ABITRAM: variants seen among roughly 807,000 people sequenced by gnomAD.
ABITRAM encodes protein Abitram.
In ABITRAM, 19 loss-of-function variants were observed where a neutral mutation model predicts 22.9. The ratio of observed to expected loss-of-function variants is 0.83; its 90% CI spans 0.58 to 1.22. ABITRAM has a LOEUF of 1.22. ABITRAM is among the 50% of genes most tolerant of loss of function. The pLI is 0.00. For synonymous variants in ABITRAM, 70 were observed against 73.9 expected (o/e 0.95, Z 0.27); for missense variants, 215 against 220.2 (o/e 0.98, Z 0.15).
chr9:108,939,055 A>T, intron 3 of ABITRAM, 141 bp from the exon 4 acceptor site: 1 of 673,202 alleles, frequency 1.5e-6, no homozygotes, highest in Non-Finnish European at 2.5e-6. Flanking sequence ...TTCTGAAATT[A>T]ATGAATGGTT....
intron 3 of ABITRAM, among the ~76,000 whole-genome samples, chr9:108,949,476 G>C (rs1830496238): frequency 6.6e-6 from 1 of 152,218 alleles, no homozygotes; most frequent in African/African-American, 2.4e-5. Context: ...GGGAGGCCAA[G>C]GTGGGCAGAT....
chr9:108,934,651 G>C, intron 1 of ABITRAM, 86 bp downstream of exon 1: 2 of 1,209,478 alleles, frequency 1.7e-6, no homozygotes, highest in Non-Finnish European at 2.3e-6. Context: ...AGCCACGCGC[G>C]CTCTCCCTGG....
intron 1 of ABITRAM, among the ~76,000 whole-genome samples, chr9:108,934,825 T>G (rs972083244): frequency 6.6e-6 from 1 of 152,030 alleles, no homozygotes; most frequent in Non-Finnish European, 1.5e-5. Context: ...ATGAGTACTC[T>G]AAACGGAGGC....
chr9:108,936,841 A>G, intron 3 of ABITRAM, among the ~76,000 whole-genome samples: 1 of 152,166 alleles, frequency 6.6e-6, no homozygotes, highest in East Asian at 1.9e-4. Flanking sequence ...AACAGAAAAA[A>G]AATTCCCAAG....
At chr9:108,936,706 G>A (rs1172778326) in intron 3 of ABITRAM, among the ~76,000 whole-genome samples, 1 of 152,150 alleles carries the variant, frequency 6.6e-6, no homozygotes, top group Non-Finnish European at 1.5e-5. Flanking sequence ...GCCTTTGAAA[G>A]GAGAACTCTA....
intron 3 of ABITRAM, among the ~76,000 whole-genome samples, chr9:108,946,924 A>T (rs971270322): frequency 2.0e-5 from 3 of 152,182 alleles, no homozygotes; most frequent in Non-Finnish European, 1.5e-5. Flanking sequence ...ACTGAAAAAA[A>T]AAATAAATTC....
chr9:108,939,861 C>T lies in ABITRAM; in HGVS notation c.*175C>T. The T allele has an allele frequency of 2.9e-6, 2 of 700,318 alleles. No individual in the cohort carries two copies. The highest frequency in any genetic ancestry group is 4.5e-6 in the Non-Finnish European group (2 of 439,646). The allele number at this position is 700,318 out of a possible 1,614,324, so 43.4% of individuals were successfully genotyped here. The stretch of plus-strand genomic sequence containing the variant: ...TCTGTCTTCATAATGAGCCTTGGTT[C>T]CCATTTGTCTACAGCCTGCCAGATC... On this transcript the variant is annotated 3_prime_UTR_variant, in exon 6 of 6. Coordinates refer to ENST00000322940, the MANE Select transcript of ABITRAM (RefSeq NM_017832.4).
exon 4 of ABITRAM, chr9:108,950,679 G>T: frequency 6.8e-7 from 1 of 1,475,492 alleles, no homozygotes; most frequent in Non-Finnish European, 9.0e-7. Flanking sequence ...CATAAAAGGA[G>T]GTGGATGCTC....
chr9:108,941,404 T>G (rs1830253618), downstream of ABITRAM, among the ~76,000 whole-genome samples: 1 of 152,196 alleles, frequency 6.6e-6, no homozygotes, highest in African/African-American at 2.4e-5. Flanking sequence ...TGTATAACAT[T>G]TTACATGTAA....
intron 3 of ABITRAM, among the ~76,000 whole-genome samples, 188 bp from the exon 4 acceptor site, chr9:108,939,008 G>A (rs534827798): frequency 6.6e-6 from 1 of 152,124 alleles, no homozygotes; most frequent in Non-Finnish European, 1.5e-5. Flanking sequence ...ACCTAGGATG[G>A]CACCTGGCAC....
At chr9:108,944,088 T>C, downstream of ABITRAM, 1 of 1,363,536 alleles carries the variant, frequency 7.3e-7, no homozygotes, top group African/African-American at 1.5e-5. Flanking sequence ...ATATACTTAC[T>C]AATAATTTTT....
downstream of ABITRAM, chr9:108,944,031 G>A (rs376478832): frequency 3.2e-5 from 52 of 1,611,520 alleles, no homozygotes; most frequent in African/African-American, 3.7e-4. Context: ...GGTAGAAAGA[G>A]AAAACACCAC....
At position 108,940,591 on chromosome 9, in the gene ABITRAM, A is replaced by G. The variant is rs1259225363; in HGVS notation, c.*905A>G. ...AAACTGCAACACTGTGACTTCTTAA[A>G]TGAGGGATATGTGAAAAGGCTATGA... On this transcript the variant is annotated 3_prime_UTR_variant, in exon 6 of 6. Coordinates refer to ENST00000322940, the MANE Select transcript of ABITRAM (RefSeq NM_017832.4). 1 of 152,182 alleles carries G rather than the reference A, an allele frequency of 6.6e-6. No homozygotes were observed. The highest frequency in any genetic ancestry group is 2.4e-5 in the African/African-American group (1 of 41,446). 9.4% of individuals were successfully genotyped at this position (152,182 alleles called of 1,614,324 possible).
chr9:108,934,593 C>A, intron 1 of ABITRAM, 28 bp downstream of exon 1: 2 of 1,577,846 alleles, frequency 1.3e-6, no homozygotes, highest in East Asian at 2.3e-5. Context: ...TTGATCCCTC[C>A]TTGGCCGCAC....
chr9:108,939,825 A>T lies in ABITRAM; in HGVS notation c.*139A>T. On this transcript the variant is annotated 3_prime_UTR_variant, in exon 6 of 6. Coordinates refer to ENST00000322940, the MANE Select transcript of ABITRAM (RefSeq NM_017832.4). ...GCAGGGGAGGCCTAGTGCTTCACTTAGTTTTCCCTCTCTGTCTTCATAATG... is the reference window on the plus strand; with the variant it reads ...GCAGGGGAGGCCTAGTGCTTCACTTTGTTTTCCCTCTCTGTCTTCATAATG... 2.1e-6 allele frequency: 2 copies of T among 973,266 alleles called. No homozygotes were observed. Among genetic ancestry groups the T allele is most frequent in the Non-Finnish European group, 3.0e-6 (2 of 666,590 alleles). The allele number at this position is 973,266 out of a possible 1,614,324, so 60.3% of individuals were successfully genotyped here. A position where few individuals can be genotyped will look rare whatever the true frequency, so the allele number is the denominator to read the frequency against.
chr9:108,939,692 G>C lies in ABITRAM; in HGVS notation c.*6G>C, dbSNP rs1391005574. The C allele has an allele frequency of 1.2e-6, 2 of 1,612,192 alleles. No homozygotes were observed. The highest frequency in any genetic ancestry group is 1.7e-6 in the Non-Finnish European group (2 of 1,179,372). ...CCACAACAGCTACGTCATGAGGATT[G>C]ACATGGAACAAAAAGCAAAGTGGGA... is the stretch of plus-strand genomic sequence containing the variant. On this transcript the variant is annotated 3_prime_UTR_variant, in exon 6 of 6. Coordinates refer to ENST00000322940, the MANE Select transcript of ABITRAM (RefSeq NM_017832.4).
downstream of ABITRAM, among the ~76,000 whole-genome samples, chr9:108,945,627 AGT>A (rs1491444624): frequency 8.4e-5 from 3 of 35,862 alleles, no homozygotes; most frequent in African/African-American, 1.6e-4. Flanking sequence ...ATGCCCCGCT[AGT>A]TTTTTTTTTT....
chr9:108,940,991 T>C (rs1830249051), downstream of ABITRAM: 1 of 152,176 alleles, frequency 6.6e-6, no homozygotes, highest in Admixed American at 6.5e-5. Flanking sequence ...TGGTTATCTA[T>C]CCTCTTATGC....
chr9:108,938,985 C>G (rs1158636769), intron 3 of ABITRAM, among the ~76,000 whole-genome samples: 1 of 152,062 alleles, frequency 6.6e-6, no homozygotes, highest in Admixed American at 6.5e-5. Context: ...TGTGTCTTAG[C>G]TTTTTTCCCT....
Sources: allele counts gnomAD v4.1 joint callset (sites outside exome capture counted in the v4.1 genomes callset), GRCh38; gene constraint gnomAD v4.1.1; transcripts MANE v1.5; gene names NCBI Gene and HGNC (gene_info 2026-07-23, HGNC 2026-07-21).